MELK: variants seen among roughly 807,000 people sequenced by gnomAD.
MELK encodes maternal embryonic leucine zipper kinase, also known as pEg3 kinase.
MELK carries 81 observed loss-of-function variants against 85.0 expected under a neutral mutation model. The observed-to-expected ratio is 0.95, with a 90% CI of 0.80 to 1.15. The LOEUF (loss-of-function observed/expected upper bound fraction) is 1.15, where lower values mean the gene tolerates loss of function less well. Among genes scored for constraint, MELK ranks in the 50% most tolerant of loss-of-function variants. The pLI is 0.00. For synonymous variants in MELK, 252 were observed against 265.0 expected (o/e 0.95, Z 0.48); for missense variants, 754 against 777.5 (o/e 0.97, Z 0.36).
chr9:36,615,598 C>G lies in MELK; in HGVS notation c.666+7925C>G, dbSNP rs1314264672. Among the ~76,000 whole-genome samples, 8 of 129,364 alleles carry G rather than the reference C, an allele frequency of 6.2e-5. 1 individual carries two copies. Among genetic ancestry groups the G allele is most frequent in the Non-Finnish European group, 9.3e-5 (6 of 64,738 alleles). The allele number at this position is 129,364 out of a possible 152,430, so 84.9% of individuals were successfully genotyped here. Reference sequence around the variant, plus strand: ...GCGGAGAGGCTCCTCACTTCTCAGACGGGGTGGTTGCCAGGCAGAGGGTCT... The same window carrying G: ...GCGGAGAGGCTCCTCACTTCTCAGAGGGGGTGGTTGCCAGGCAGAGGGTCT... On this transcript the variant is annotated intron_variant, in intron 8 of 17. Coordinates refer to ENST00000298048, the MANE Select transcript of MELK (RefSeq NM_014791.4).
At chr9:36,622,274 A>G (rs1281690898) in intron 8 of MELK, among the ~76,000 whole-genome samples, 2 of 152,194 alleles carry the variant, frequency 1.3e-5, no homozygotes, top group Non-Finnish European at 2.9e-5. Context: ...TCGCAGTGTA[A>G]TACAGTCTGC....
intron 11 of MELK, among the ~76,000 whole-genome samples, chr9:36,644,170 G>T (rs1564198939): frequency 1.3e-5 from 2 of 150,526 alleles, no homozygotes; most frequent in Non-Finnish European, 2.9e-5. Flanking sequence ...GATTATTTTG[G>T]CTCTTTCAGA....
intron 11 of MELK, among the ~76,000 whole-genome samples, chr9:36,644,371 TC>T (rs1465266056): frequency 6.6e-6 from 1 of 152,182 alleles, no homozygotes; most frequent in African/African-American, 2.4e-5. Flanking sequence ...CTTTATCTGT[TC>T]TTTAACTTGC....
Position 36,651,364 on chromosome 9 carries a change from G to A in MELK, c.922-382G>A, listed in dbSNP as rs148039815. 1.7e-3 allele frequency among the ~76,000 whole-genome samples: 254 copies of A among 152,276 alleles called. 1 individual carries two copies. The highest frequency in any genetic ancestry group is 5.8e-3 in the African/African-American group (243 of 41,562). ...AGCTAAACATTGTGATAAAATTATA[G>A]TAGGAGGATACAGGGAGGAGATGTG... On this transcript the variant is annotated intron_variant, in intron 11 of 17. Transcript: ENST00000298048.
At chr9:36,575,306 A>G (rs954652865) in intron 1 of MELK, among the ~76,000 whole-genome samples, 4 of 152,186 alleles carry the variant, frequency 2.6e-5, no homozygotes, top group Non-Finnish European at 5.9e-5. Flanking sequence ...TTCAGCAGCT[A>G]CAAAGTTGGG....
intron 3 of MELK, among the ~76,000 whole-genome samples, chr9:36,587,838 G>A (rs900247050): frequency 2.0e-5 from 3 of 151,052 alleles, no homozygotes; most frequent in Non-Finnish European, 4.4e-5. Flanking sequence ...GCAGTGGCAC[G>A]ATCTCGGCCA....
intron 16 of MELK, 52 bp downstream of exon 16, chr9:36,671,218 C>T: frequency 6.9e-7 from 1 of 1,452,546 alleles, no homozygotes; most frequent in Non-Finnish European, 9.1e-7. Context: ...TGCTAATGGA[C>T]TGCCTTTTTT....
At chr9:36,657,200 A>T in intron 12 of MELK, 41 bp from the exon 13 acceptor site, 1 of 1,578,972 alleles carries the variant, frequency 6.3e-7, no homozygotes, top group Non-Finnish European at 8.6e-7. Context: ...ATTGAATCAT[A>T]GTACTGTCAT....
chr9:36,628,058 C>T (rs1311132493), intron 8 of MELK, among the ~76,000 whole-genome samples: 3 of 151,838 alleles, frequency 2.0e-5, no homozygotes, highest in Admixed American at 6.6e-5. Context: ...TGCGCCACCA[C>T]GCCTGGCTAA....
chr9:36,634,439 G>A (rs753487324), intron 10 of MELK, among the ~76,000 whole-genome samples: 1 of 152,096 alleles, frequency 6.6e-6, no homozygotes, highest in East Asian at 1.9e-4. Flanking sequence ...GGCCAGGCAC[G>A]GTGGCTCACA....
chr9:36,618,923 C>T (rs967620080), intron 8 of MELK, among the ~76,000 whole-genome samples: 9 of 151,360 alleles, frequency 5.9e-5, no homozygotes, highest in Non-Finnish European at 8.8e-5. Context: ...CTTTGAAGAC[C>T]GCCAGTCAAG....
intron 8 of MELK, among the ~76,000 whole-genome samples, chr9:36,626,001 T>A (rs111580397): frequency 1.3e-5 from 2 of 152,104 alleles, no homozygotes; most frequent in African/African-American, 2.4e-5. Context: ...CCAAAATGAA[T>A]GAAAGACAAA....
At chr9:36,645,768 G>C (rs183678083) in intron 11 of MELK, among the ~76,000 whole-genome samples, 2 of 152,266 alleles carry the variant, frequency 1.3e-5, no homozygotes, top group East Asian at 3.9e-4. Flanking sequence ...AGCTGACTGT[G>C]GTACGCAGCC....
At chr9:36,602,860 C>T (rs540575099) in intron 7 of MELK, among the ~76,000 whole-genome samples, 184 of 152,240 alleles carry the variant, frequency 1.2e-3, no homozygotes, top group Non-Finnish European at 1.2e-3. Context: ...CGCCTGGCCA[C>T]AGACATCCTT....
intron 10 of MELK, among the ~76,000 whole-genome samples, chr9:36,641,886 C>T (rs1440511812): frequency 3.3e-5 from 5 of 152,176 alleles, no homozygotes; most frequent in African/African-American, 4.8e-5. Flanking sequence ...GGATTACAGG[C>T]GTGAGCCACC....
chr9:36,588,992 T>A lies in MELK; in HGVS notation c.145-544T>A, dbSNP rs1473095915. 6.6e-5 allele frequency among the ~76,000 whole-genome samples: 10 copies of A among 152,054 alleles called. No homozygotes were observed. The South Asian group carries it at 2.1e-3, about 32-fold the overall frequency. ...TTTGGAATGCTAACCTTCTAAGGAG[T>A]CTGAGATTGTTTTCTGGATGTTGTA... is the stretch of plus-strand genomic sequence containing the variant. On this transcript the variant is annotated intron_variant, in intron 3 of 17. Transcript: ENST00000298048.
At chr9:36,612,911 A>G (rs560084240) in intron 8 of MELK, among the ~76,000 whole-genome samples, 1 of 152,316 alleles carries the variant, frequency 6.6e-6, no homozygotes, top group African/African-American at 2.4e-5. Context: ...TTATGGAAAG[A>G]TTTTTAACTA....
At position 36,651,890 on chromosome 9, in the gene MELK, G is replaced by A. The variant is rs756851022; in HGVS notation, c.1053+13G>A. ...CACAGACATCAAGGTAAGTGTTACT[G>A]CCTGTTGTGTCTTGCCACGTGCCCT... On this transcript the variant is annotated intron_variant, in intron 12 of 17. Transcript: ENST00000298048. The A allele has an allele frequency of 8.1e-6, 13 of 1,611,218 alleles. No homozygotes were observed. In the East Asian group the frequency reaches 2.7e-4, roughly 33 times the overall value.
intron 11 of MELK, among the ~76,000 whole-genome samples, chr9:36,643,291 G>A (rs767325297): frequency 6.6e-6 from 1 of 152,108 alleles, no homozygotes; most frequent in Non-Finnish European, 1.5e-5. Flanking sequence ...GCTGAGGCAC[G>A]AGAATCACTT....
Sources: gnomAD v4.1 joint callset for allele counts (sites outside exome capture counted in the v4.1 genomes callset) on GRCh38, gnomAD v4.1.1 for gene constraint, MANE v1.5 for transcripts, NCBI Gene and HGNC (gene_info 2026-07-23, HGNC 2026-07-21) for gene names.